KIF16B: variants seen among roughly 807,000 people sequenced by gnomAD.
The protein encoded by KIF16B is kinesin family member 16B.
Under a neutral mutation model 156.3 loss-of-function variants are expected in KIF16B, and 98 were observed. The observed-to-expected ratio is 0.63, with a 90% confidence interval of 0.53 to 0.74. KIF16B has a LOEUF of 0.74. Ranked by LOEUF, KIF16B falls within the 30% of genes least tolerant of loss-of-function variation. The probability of loss-of-function intolerance (pLI) is 0.00; values close to 1 mark genes in which losing one functional copy is unlikely to be tolerated. For missense variants in KIF16B, 1,421 were observed against 1,606.5 expected, an observed-to-expected ratio of 0.88 and a Z score of 1.97; for synonymous variants, 564 against 583.7, an observed-to-expected ratio of 0.97 and a Z score of 0.49.
intron 3 of KIF16B, among the ~76,000 whole-genome samples, chr20:16,519,293 T>C (rs1335995880): frequency 6.6e-6 from 1 of 152,140 alleles, no homozygotes; most frequent in Non-Finnish European, 1.5e-5. Context: ...CTTTCCCTAA[T>C]TTTTTAAGAG....
chr20:16,347,864 T>A (rs994401298), intron 23 of KIF16B, among the ~76,000 whole-genome samples: 2 of 152,210 alleles, frequency 1.3e-5, no homozygotes, highest in Non-Finnish European at 2.9e-5. Flanking sequence ...TTTCTGAACA[T>A]CTATATTCTA....
intron 25 of KIF16B, among the ~76,000 whole-genome samples, chr20:16,293,209 G>A (rs1259366865): frequency 6.6e-6 from 1 of 152,184 alleles, no homozygotes; most frequent in Non-Finnish European, 1.5e-5. Flanking sequence ...TGGGTCAGAA[G>A]AATCGACGAA....
In KIF16B at chr20:16,528,360, T is replaced by TCATG; in HGVS notation, c.117+7_117+10dup. 1 of 1,609,388 alleles carries TCATG rather than the reference T, an allele frequency of 6.2e-7. No homozygotes were observed. Among genetic ancestry groups the TCATG allele is most frequent in the Non-Finnish European group, 8.5e-7 (1 of 1,175,764 alleles). On this transcript the variant is annotated intron_variant, in intron 2 of 25. Coordinates refer to ENST00000354981, the MANE Select transcript of KIF16B (RefSeq NM_024704.5). ...CTCTTGGAACTTAAGCAAGGCCAGG[T>TCATG]CATGACTTGCCTTTAAGTTTGTGAT...
At chr20:16,509,649 C>T (rs1237898183) in intron 6 of KIF16B, among the ~76,000 whole-genome samples, 2 of 152,154 alleles carry the variant, frequency 1.3e-5, no homozygotes, top group African/African-American at 4.8e-5. Flanking sequence ...ATTCTTTGTT[C>T]ATTTTTCTAC....
At chr20:16,318,115 C>G (rs1233340756) in intron 24 of KIF16B, among the ~76,000 whole-genome samples, 1 of 151,724 alleles carries the variant, frequency 6.6e-6, no homozygotes, top group African/African-American at 2.4e-5. Context: ...TCTGCCCCTC[C>G]TTGCTCCCAC....
At chr20:16,500,439 C>A (rs2068587283) in intron 10 of KIF16B, among the ~76,000 whole-genome samples, 2 of 152,058 alleles carry the variant, frequency 1.3e-5, no homozygotes, top group African/African-American at 2.4e-5. Flanking sequence ...TTGGTTAGAG[C>A]AAATTTTCAT....
Position 16,378,799 on chromosome 20 carries a change from T to A in KIF16B, c.3197+6A>T. On this transcript the variant is annotated splice_donor_region_variant and intron_variant, in intron 19 of 25. Coordinates refer to ENST00000354981, the MANE Select transcript of KIF16B (RefSeq NM_024704.5). ...TGTATGCCACACCCTTCCTTCCCAA[T>A]CTCACCTCTCCTGGTCCTTCTCCAG... 6.3e-7 allele frequency: 1 copy of A among 1,587,592 alleles called. No homozygotes were observed. The highest frequency in any genetic ancestry group is 8.6e-7 in the Non-Finnish European group (1 of 1,167,702).
At chr20:16,419,586 T>C (rs1170660568) in intron 15 of KIF16B, among the ~76,000 whole-genome samples, 2 of 152,140 alleles carry the variant, frequency 1.3e-5, no homozygotes, top group South Asian at 2.1e-4. Flanking sequence ...TGCCCAAGTA[T>C]AAATTTCCCA....
At chr20:16,467,626 A>G (rs905846560) in intron 12 of KIF16B, among the ~76,000 whole-genome samples, 1 of 152,198 alleles carries the variant, frequency 6.6e-6, no homozygotes, top group Admixed American at 6.5e-5. Context: ...CTTATCTATA[A>G]AGGGACAAAG....
intron 23 of KIF16B, among the ~76,000 whole-genome samples, chr20:16,337,589 G>A (rs764455897): frequency 6.6e-6 from 1 of 152,164 alleles, no homozygotes; most frequent in African/African-American, 2.4e-5. Flanking sequence ...CAAGAGTGGA[G>A]GTGCTCTGCA....
intron 12 of KIF16B, among the ~76,000 whole-genome samples, chr20:16,463,922 C>T (rs2067417502): frequency 6.6e-6 from 1 of 152,204 alleles, no homozygotes; most frequent in Admixed American, 6.5e-5. Context: ...TTGAGAACCA[C>T]TGCTAAAGCA....
chr20:16,403,613 G>C (rs946618956), intron 17 of KIF16B, among the ~76,000 whole-genome samples: 5 of 152,192 alleles, frequency 3.3e-5, no homozygotes, highest in African/African-American at 1.2e-4. Flanking sequence ...GCGCCCAGGA[G>C]TCCACAGCCA....
At position 16,497,648 on chromosome 20, in the gene KIF16B, T is replaced by C; in HGVS notation, c.1207A>G (p.Ser403Gly). The C allele has an allele frequency of 1.2e-6, 2 of 1,611,804 alleles. No individual in the cohort carries two copies. Among genetic ancestry groups the C allele is most frequent in the Non-Finnish European group, 1.7e-6 (2 of 1,178,066 alleles). Residue 403 changes from serine to glycine, a missense_variant, in exon 11 of 26, where the codon AGT becomes GGT. Transcript: ENST00000354981. ...TTCTGCTGAAGTTTTTCCTCCATAC[T>C]TAAAGCTGTGGGGGAGTCTAAGAGG... ...IALLDSPTALSMEEKLQQNEA... is the reference protein window; with the variant it reads ...IALLDSPTALGMEEKLQQNEA...
chr20:16,527,326 G>A (rs1185330504), intron 2 of KIF16B, among the ~76,000 whole-genome samples: 2 of 152,198 alleles, frequency 1.3e-5, no homozygotes, highest in Non-Finnish European at 2.9e-5. Context: ...TGCCCAGTTG[G>A]AAGATGGGAG....
At chr20:16,407,384 G>A (rs528213517) in intron 15 of KIF16B, among the ~76,000 whole-genome samples, 1 of 152,276 alleles carries the variant, frequency 6.6e-6, no homozygotes, top group South Asian at 2.1e-4. Context: ...GGGCATCAAT[G>A]AAGATAAGAC....
At chr20:16,432,918 C>T (rs1239331590) in intron 12 of KIF16B, among the ~76,000 whole-genome samples, 1 of 152,164 alleles carries the variant, frequency 6.6e-6, no homozygotes, top group Non-Finnish European at 1.5e-5. Context: ...TATCAGCCAA[C>T]CTCCCATTCC....
intron 10 of KIF16B, among the ~76,000 whole-genome samples, chr20:16,498,332 CTG>C (rs2068513153): frequency 6.6e-6 from 1 of 152,108 alleles, no homozygotes; most frequent in African/African-American, 2.4e-5. Context: ...GGCAGGGACA[CTG>C]TGCTTCCTAT....
intron 12 of KIF16B, among the ~76,000 whole-genome samples, chr20:16,474,825 A>G (rs1469721521): frequency 6.6e-6 from 1 of 152,176 alleles, no homozygotes; most frequent in Non-Finnish European, 1.5e-5. Flanking sequence ...AACAGAGACA[A>G]CTTCTAACTG....
chr20:16,382,729 T>G (rs1439521151), intron 17 of KIF16B, among the ~76,000 whole-genome samples: 1 of 152,098 alleles, frequency 6.6e-6, no homozygotes, highest in Non-Finnish European at 1.5e-5. Flanking sequence ...CGGAGTTGGG[T>G]CAGACACTGC....
Sources: gnomAD v4.1 joint callset for allele counts (sites outside exome capture counted in the v4.1 genomes callset) on GRCh38, gnomAD v4.1.1 for gene constraint, MANE v1.5 for transcripts, NCBI Gene and HGNC (gene_info 2026-07-23, HGNC 2026-07-21) for gene names.